ANO2: variants seen among roughly 807,000 people sequenced by gnomAD.
ANO2 encodes anoctamin-2.
In ANO2, 101 loss-of-function variants were observed where a neutral mutation model predicts 124.2. The observed-to-expected ratio is 0.81, with a 90% CI of 0.69 to 0.96. The LOEUF is 0.96. Ranked by LOEUF, ANO2 falls within the 40% of genes least tolerant of loss-of-function variation. ANO2 has a pLI of 0.00. For missense variants in ANO2, 1,293 were observed against 1,274.5 expected (o/e 1.01, Z -0.22); for synonymous variants, 486 against 482.5 (o/e 1.01, Z -0.09).
chr12:5,894,553 G>A (rs1413117719), intron 3 of ANO2, among the ~76,000 whole-genome samples: 1 of 152,188 alleles, frequency 6.6e-6, no homozygotes, highest in Non-Finnish European at 1.5e-5. Context: ...TTTTAGTCAT[G>A]AAGTCTTTGC....
chr12:5,837,140 T>C (rs911092714), intron 4 of ANO2, among the ~76,000 whole-genome samples: 3 of 152,116 alleles, frequency 2.0e-5, no homozygotes, highest in Non-Finnish European at 4.4e-5. Flanking sequence ...GCCTAAGGCC[T>C]CTGATAGGCC....
upstream of ANO2, chr12:5,945,378 G>T: frequency 1.4e-6 from 1 of 703,826 alleles, no homozygotes; most frequent in South Asian, 3.8e-5. Context: ...CCGGCGCCGC[G>T]CAGCCACAGC....
At chr12:5,632,121 GA>G (rs1297658599) in intron 16 of ANO2, among the ~76,000 whole-genome samples, 1 of 152,138 alleles carries the variant, frequency 6.6e-6, no homozygotes, top group African/African-American at 2.4e-5. Context: ...TCAGGGAGCA[GA>G]AGGAGCCAAG....
intron 21 of ANO2, among the ~76,000 whole-genome samples, 157 bp downstream of exon 21, chr12:5,578,209 A>G (rs1942531594): frequency 6.6e-6 from 1 of 152,214 alleles, no homozygotes; most frequent in African/African-American, 2.4e-5. Context: ...AAGCGGTCTC[A>G]GAAGGCGTCC....
chr12:5,890,740 T>G (rs55754310), intron 3 of ANO2, among the ~76,000 whole-genome samples: 16,397 of 152,190 alleles, frequency 0.11, 2,018 homozygotes, highest in African/African-American at 0.3. Context: ...TCAGTTCATG[T>G]TTACTGATGG....
chr12:5,645,494 T>C (rs1353489185), intron 15 of ANO2, among the ~76,000 whole-genome samples: 1 of 152,176 alleles, frequency 6.6e-6, no homozygotes, highest in Non-Finnish European at 1.5e-5. Context: ...ATCATATATA[T>C]AACAATAATA....
At chr12:5,794,164 G>A (rs898606084) in intron 10 of ANO2, among the ~76,000 whole-genome samples, 1 of 152,190 alleles carries the variant, frequency 6.6e-6, no homozygotes, top group Non-Finnish European at 1.5e-5. Context: ...TTTCCTTCCA[G>A]GCTGCAAAAT....
At chr12:5,807,580 A>G (rs947139417) in intron 7 of ANO2, among the ~76,000 whole-genome samples, 3 of 152,226 alleles carry the variant, frequency 2.0e-5, no homozygotes, top group Non-Finnish European at 4.4e-5. Flanking sequence ...ATTATGTTTT[A>G]ATATCAAATA....
chr12:5,804,180 T>C (rs774988592), intron 9 of ANO2, among the ~76,000 whole-genome samples: 11 of 152,178 alleles, frequency 7.2e-5, no homozygotes, highest in Admixed American at 1.3e-4. Flanking sequence ...CAAATAAATA[T>C]GCAGCACACA....
At chr12:5,830,516 A>G in intron 5 of ANO2, 27 bp from the exon 6 acceptor site, 8 of 1,602,464 alleles carry the variant, frequency 5.0e-6, no homozygotes, top group Non-Finnish European at 6.8e-6. Context: ...AGCAGATGGC[A>G]AATTCATTTC....
intron 3 of ANO2, among the ~76,000 whole-genome samples, chr12:5,902,147 A>G (rs1216570667): frequency 6.6e-6 from 1 of 152,210 alleles, no homozygotes; most frequent in Non-Finnish European, 1.5e-5. Flanking sequence ...GCTACAGTGC[A>G]CCTCACTTCG....
rs555458488 is a variant in ANO2 at position 5,920,954 on chromosome 12, C to G, written c.534+86G>C. Reference sequence around the variant, plus strand: ...TCCACCTGCCAGAATAAAGCCTAGGCTCTCTGTCAGGTGGCACTGCTCACT... The same window carrying G: ...TCCACCTGCCAGAATAAAGCCTAGGGTCTCTGTCAGGTGGCACTGCTCACT... On this transcript the variant is annotated intron_variant, in intron 3 of 24. Transcript: ENST00000682330. 7 of 1,388,444 alleles carry G rather than the reference C, an allele frequency of 5.0e-6. No homozygotes were observed. In the Admixed American group the frequency reaches 1.1e-4, roughly 21 times the overall value. 86.0% of individuals were successfully genotyped at this position (1,388,444 alleles called of 1,614,324 possible). A position where few individuals can be genotyped will look rare whatever the true frequency, so the allele number is the denominator to read the frequency against.
rs1422935908 is a variant in ANO2, at chr12:5,615,214, TG to T, written c.1899del (p.Ile634SerfsTer52). The T allele has an allele frequency of 3.7e-6, 6 of 1,613,474 alleles. No individual in the cohort carries two copies. The highest frequency in any genetic ancestry group is 1.3e-5 in the African/African-American group (1 of 74,872). On this transcript the variant is annotated frameshift_variant, in exon 17 of 25. Transcript: ENST00000682330. LOFTEE classifies it high-confidence loss of function. ...CCTTTGAAAAAGGCCACATAGAAGA[TG>T]GGGGAGTAGGCATTGACAAACTTGA... ...FLLKFVNAYS[P>X]IFYVAFFKGR... is the part of the protein sequence containing the mutation.
At chr12:5,791,062 A>C (rs1471775475) in intron 10 of ANO2, among the ~76,000 whole-genome samples, 3 of 152,170 alleles carry the variant, frequency 2.0e-5, no homozygotes, top group African/African-American at 4.8e-5. Flanking sequence ...AAGCAAAAAC[A>C]GTCACTTCCA....
At chr12:5,772,120 C>T (rs1470713387) in intron 10 of ANO2, among the ~76,000 whole-genome samples, 2 of 151,966 alleles carry the variant, frequency 1.3e-5, no homozygotes, top group African/African-American at 4.8e-5. Context: ...ACATAAAGAA[C>T]ACTGATGGTG....
chr12:5,881,961 AT>A (rs1938530492), intron 3 of ANO2, among the ~76,000 whole-genome samples: 1 of 152,222 alleles, frequency 6.6e-6, no homozygotes, highest in Non-Finnish European at 1.5e-5. Context: ...GAAGAAGAGA[AT>A]TAACTCTTTC....
chr12:5,676,766 G>C (rs908880022), intron 14 of ANO2, among the ~76,000 whole-genome samples: 60 of 152,086 alleles, frequency 3.9e-4, no homozygotes, highest in African/African-American at 1.3e-3. Context: ...CAAAAAGAAG[G>C]AAACAGGCTG....
chr12:5,932,844 C>G (rs553086459), intron 1 of ANO2, among the ~76,000 whole-genome samples: 1 of 152,316 alleles, frequency 6.6e-6, no homozygotes, highest in Admixed American at 6.5e-5. Context: ...CCTCAGCTCT[C>G]CCTAGAGCTG....
chr12:5,938,733 G>T (rs1942762052), intron 1 of ANO2, among the ~76,000 whole-genome samples: 1 of 152,128 alleles, frequency 6.6e-6, no homozygotes, highest in South Asian at 2.1e-4. Flanking sequence ...GCTGAGGCAG[G>T]AGAATTGCTT....
Sources: allele counts gnomAD v4.1 joint callset (sites outside exome capture counted in the v4.1 genomes callset), GRCh38; gene constraint gnomAD v4.1.1; transcripts MANE v1.5; gene names NCBI Gene and HGNC (gene_info 2026-07-23, HGNC 2026-07-21).